WDR27: variants seen among roughly 807,000 people sequenced by gnomAD.
WDR27 encodes WD repeat-containing protein 27.
In WDR27, 100 loss-of-function variants were observed where a neutral mutation model predicts 114.4. The observed-to-expected ratio is 0.87, with a 90% CI of 0.74 to 1.03. The LOEUF is 1.03. Ranked by LOEUF, WDR27 falls within the 50% of genes least tolerant of loss-of-function variation. The pLI, the probability that WDR27 is intolerant of heterozygous loss-of-function variation, is 0.00. For synonymous variants in WDR27, 449 were observed against 423.1 expected (o/e 1.06, Z -0.75); for missense variants, 1,129 against 1,092.9 (o/e 1.03, Z -0.47).
intron 25 of WDR27, among the ~76,000 whole-genome samples, chr6:169,474,525 T>C (rs1786871448): frequency 6.6e-6 from 1 of 152,124 alleles, no homozygotes; most frequent in South Asian, 2.1e-4. Flanking sequence ...GAAGACCTGC[T>C]AAGAAATAGC....
intron 13 of WDR27, among the ~76,000 whole-genome samples, chr6:169,656,453 A>T (rs80186648): frequency 6.6e-6 from 1 of 151,826 alleles, no homozygotes; most frequent in East Asian, 1.9e-4. Context: ...GCTGCTGTCA[A>T]TTGTTAAGGA....
intron 23 of WDR27, among the ~76,000 whole-genome samples, chr6:169,592,349 G>A (rs914767840): frequency 2.0e-5 from 3 of 152,078 alleles, no homozygotes; most frequent in African/African-American, 7.2e-5. Context: ...TTAGGATTTT[G>A]CGTTTGTCCA....
At position 169,687,838 on chromosome 6, in the gene WDR27, G is replaced by A. The variant is rs180753983; in HGVS notation, c.189+979C>T. On this transcript the variant is annotated intron_variant, in intron 2 of 25. Coordinates refer to ENST00000448612, the MANE Select transcript of WDR27 (RefSeq NM_182552.5). ...ATTCTATAGTTTTGACCCACATTGC[G>A]TTGAAAAAAATTCATGTATAAGTGA... Among the ~76,000 whole-genome samples, 23 of 152,134 alleles carry A rather than the reference G, an allele frequency of 1.5e-4. No individual in the cohort carries two copies. In the East Asian group the frequency reaches 3.5e-3, roughly 23 times the overall value.
At chr6:169,646,905 C>T (rs1274744798) in intron 16 of WDR27, among the ~76,000 whole-genome samples, 3 of 152,124 alleles carry the variant, frequency 2.0e-5, no homozygotes, top group African/African-American at 7.2e-5. Context: ...GACTTTAAAA[C>T]TTCTTTGGCT....
intron 22 of WDR27, 117 bp downstream of exon 22, chr6:169,613,442 G>T (rs1360514433): frequency 3.8e-6 from 3 of 787,146 alleles, no homozygotes; most frequent in Non-Finnish European, 6.1e-6. Flanking sequence ...ATCAGTCTTA[G>T]ATTAGTCAGT....
the WDR27 span, among the ~76,000 whole-genome samples, chr6:169,450,533 G>A: frequency 6.6e-6 from 1 of 152,284 alleles, no homozygotes; most frequent in African/African-American, 2.4e-5. Flanking sequence ...TCCCGTTTAA[G>A]GGAAATGTAT....
chr6:169,651,693 C>T (rs986682490), intron 14 of WDR27, among the ~76,000 whole-genome samples: 5 of 152,154 alleles, frequency 3.3e-5, no homozygotes, highest in African/African-American at 7.2e-5. Flanking sequence ...GAAAAGGACT[C>T]GGAGGACTGC....
intron 25 of WDR27, among the ~76,000 whole-genome samples, chr6:169,504,372 G>T (rs1323267092): frequency 1.3e-5 from 2 of 152,116 alleles, no homozygotes; most frequent in African/African-American, 2.4e-5. Context: ...AATCATGGGG[G>T]CGGTTTCCTT....
intron 23 of WDR27, among the ~76,000 whole-genome samples, chr6:169,583,159 T>C (rs777979194): frequency 6.6e-6 from 1 of 152,142 alleles, no homozygotes; most frequent in Non-Finnish European, 1.5e-5. Context: ...AGTGAACTTA[T>C]GTCATACTTT....
intron 1 of WDR27, 154 bp from the exon 2 acceptor site, chr6:169,689,166 G>A: frequency 4.0e-6 from 2 of 497,420 alleles, no homozygotes; most frequent in East Asian, 3.4e-5. Context: ...AAAAAGAAGA[G>A]AAATTGCCGA....
chr6:169,611,124 C>T (rs1810427900), intron 22 of WDR27, among the ~76,000 whole-genome samples: 1 of 152,074 alleles, frequency 6.6e-6, no homozygotes, highest in Admixed American at 6.5e-5. Context: ...GCTTGCAGGA[C>T]TGGCAGTTGC....
At chr6:169,665,140 C>T (rs9371164) in intron 7 of WDR27, 77,533 of 618,494 alleles carry the variant, frequency 0.13, 21,945 homozygotes, top group East Asian at 0.93. Context: ...GGCGCCTCTC[C>T]GGGGCGCGGG....
intron 25 of WDR27, among the ~76,000 whole-genome samples, chr6:169,526,793 T>C (rs1795018262): frequency 6.6e-6 from 1 of 152,134 alleles, no homozygotes; most frequent in Non-Finnish European, 1.5e-5. Flanking sequence ...AAATAAAGAA[T>C]GATTAAAGCT....
intron 14 of WDR27, among the ~76,000 whole-genome samples, chr6:169,649,846 CA>C (rs1821799055): frequency 6.8e-6 from 1 of 147,912 alleles, no homozygotes; most frequent in East Asian, 2.1e-4. Flanking sequence ...TCTCTCCATC[CA>C]TCCCCCCCAT....
chr6:169,593,170 C>A (rs1806090563), intron 23 of WDR27, among the ~76,000 whole-genome samples: 1 of 152,180 alleles, frequency 6.6e-6, no homozygotes, highest in African/African-American at 2.4e-5. Context: ...TTCCTTATTT[C>A]TCTATGCTTT....
intron 25 of WDR27, among the ~76,000 whole-genome samples, chr6:169,488,645 A>G (rs187870396): frequency 6.6e-6 from 1 of 152,332 alleles, no homozygotes; most frequent in East Asian, 1.9e-4. Flanking sequence ...CAGATAAAGG[A>G]GAACTCCCCA....
intron 10 of WDR27, among the ~76,000 whole-genome samples, chr6:169,660,159 G>A (rs1474686360): frequency 2.1e-5 from 3 of 144,498 alleles, no homozygotes; most frequent in Non-Finnish European, 4.5e-5. Context: ...CATCCATGGA[G>A]TTAGGAGGGG....
intron 25 of WDR27, among the ~76,000 whole-genome samples, chr6:169,466,892 G>A (rs956226277): frequency 1.3e-5 from 2 of 152,200 alleles, no homozygotes; most frequent in Non-Finnish European, 2.9e-5. Context: ...AGTCTCATCT[G>A]AGACAAGCCA....
At chr6:169,577,331 G>T (rs1376616324) in intron 24 of WDR27, among the ~76,000 whole-genome samples, 1 of 139,402 alleles carries the variant, frequency 7.2e-6, no homozygotes, top group Non-Finnish European at 1.6e-5. Context: ...GCCGAGCCAG[G>T]AATGGCGCCC....
Sources: allele counts gnomAD v4.1 joint callset (sites outside exome capture counted in the v4.1 genomes callset), GRCh38; gene constraint gnomAD v4.1.1; transcripts MANE v1.5; gene names NCBI Gene and HGNC (gene_info 2026-07-23, HGNC 2026-07-21).